TPD52: variants seen among roughly 807,000 people sequenced by gnomAD.
TPD52 encodes the protein prostate and colon associated protein.
Under a neutral mutation model 31.3 loss-of-function variants are expected in TPD52, and 17 were observed. The observed-to-expected ratio is 0.54, with a 90% CI of 0.37 to 0.82. The LOEUF is 0.82. Among genes scored for constraint, TPD52 ranks in the 40% least tolerant of loss-of-function variants. TPD52 has a pLI of 0.00. For synonymous variants in TPD52, 83 were observed against 89.6 expected (o/e 0.93, Z 0.42); for missense variants, 212 against 240.1 (o/e 0.88, Z 0.77).
chr8:80,038,098 A>C lies in TPD52; in HGVS notation c.*18T>G. 6.2e-7 allele frequency: 1 copy of C among 1,612,966 alleles called. No homozygotes were observed. Among genetic ancestry groups the C allele is most frequent in the Non-Finnish European group, 8.5e-7 (1 of 1,179,114 alleles). On this transcript the variant is annotated 3_prime_UTR_variant, in exon 8 of 8. Coordinates refer to ENST00000518937, the MANE Select transcript of TPD52 (RefSeq NM_001025253.3). ...CTTGCAGCATCTGGCAGTGGGTAGC[A>C]GAACAAAGGTAGGAATCTCACAGGC... is the stretch of plus-strand genomic sequence containing the variant.
intron 1 of TPD52, among the ~76,000 whole-genome samples, chr8:80,169,191 G>A (rs1811913762): frequency 6.6e-6 from 1 of 152,116 alleles, no homozygotes; most frequent in Admixed American, 6.5e-5. Context: ...CACCTTGTTG[G>A]ACAGGGGTCA....
chr8:80,136,392 T>C (rs1209101202), intron 1 of TPD52, among the ~76,000 whole-genome samples: 1 of 150,340 alleles, frequency 6.7e-6, no homozygotes. Flanking sequence ...GGCGTGGTGG[T>C]GGGCACCTGT....
chr8:80,164,978 A>G (rs189787603), intron 1 of TPD52, among the ~76,000 whole-genome samples: 1 of 151,530 alleles, frequency 6.6e-6, no homozygotes, highest in Non-Finnish European at 1.5e-5. Context: ...AAAGTCAAAA[A>G]AGGTATGACA....
At position 80,044,961 on chromosome 8, in the gene TPD52, C is replaced by T. The variant is rs373586181; in HGVS notation, c.414-753G>A. Among the ~76,000 whole-genome samples, 20 of 152,218 alleles carry T rather than the reference C, an allele frequency of 1.3e-4. No individual in the cohort carries two copies. The East Asian group carries it at 2.3e-3, about 18-fold the overall frequency. ...AAGACTCATTTGGTACAAATGATAA[C>T]GTGTCTTCAATGTAGGTCCTCAAAT... On this transcript the variant is annotated intron_variant, in intron 5 of 7. Coordinates refer to ENST00000518937, the MANE Select transcript of TPD52 (RefSeq NM_001025253.3).
intron 1 of TPD52, among the ~76,000 whole-genome samples, chr8:80,103,198 TA>T (rs1176494214): frequency 2.0e-5 from 3 of 151,868 alleles, no homozygotes; most frequent in East Asian, 3.9e-4. Context: ...CAGGCAATGT[TA>T]AAAAAAAATT....
Position 80,142,832 on chromosome 8 carries a change from C to T in TPD52, c.19+28593G>A, listed in dbSNP as rs1233640865. Among the ~76,000 whole-genome samples, 4 of 152,180 alleles carry T rather than the reference C, an allele frequency of 2.6e-5. No individual in the cohort carries two copies. The East Asian group carries it at 7.7e-4, about 29-fold the overall frequency. ...ATAATCTATAGAAACTCTGACTTGA[C>T]GACACTGCTGACTGTTGTGCCCAGA... is the stretch of plus-strand genomic sequence containing the variant. On this transcript the variant is annotated intron_variant, in intron 1 of 7. Transcript: ENST00000518937.
chr8:80,077,985 A>G (rs1814790873), intron 1 of TPD52, among the ~76,000 whole-genome samples: 1 of 152,254 alleles, frequency 6.6e-6, no homozygotes, highest in Non-Finnish European at 1.5e-5. Context: ...CATCACATAT[A>G]GTAAGGAGAA....
At chr8:80,131,548 G>A (rs1809018794) in intron 1 of TPD52, among the ~76,000 whole-genome samples, 1 of 152,230 alleles carries the variant, frequency 6.6e-6, no homozygotes, top group Admixed American at 6.5e-5. Context: ...CCCAGTTATA[G>A]GTGGAACCAG....
In TPD52 at chr8:80,078,305, G is replaced by A. The variant is rs146736621; in HGVS notation, c.20-13712C>T. ...AAATCAGTATTCCCAACCTCTCTGG[G>A]TAGGATTCCTTTTTATATCAGTCCT... On this transcript the variant is annotated intron_variant, in intron 1 of 7. Coordinates refer to ENST00000518937, the MANE Select transcript of TPD52 (RefSeq NM_001025253.3). 3.1e-3 allele frequency among the ~76,000 whole-genome samples: 466 copies of A among 152,290 alleles called. 1 individual carries two copies. The highest frequency in any genetic ancestry group is 4.7e-3 in the Non-Finnish European group (317 of 68,026).
chr8:80,087,141 T>A (rs947551516), intron 1 of TPD52, among the ~76,000 whole-genome samples: 1 of 152,092 alleles, frequency 6.6e-6, no homozygotes, highest in East Asian at 1.9e-4. Flanking sequence ...TGTCCTTTTT[T>A]TTTCCCCCCA....
At chr8:80,132,676 G>A (rs1413371362) in intron 1 of TPD52, among the ~76,000 whole-genome samples, 1 of 152,192 alleles carries the variant, frequency 6.6e-6, no homozygotes, top group East Asian at 1.9e-4. Flanking sequence ...TACTTCTTGG[G>A]TTTACAACAT....
chr8:80,040,061 A>C (rs1810227494), intron 7 of TPD52, among the ~76,000 whole-genome samples: 2 of 152,138 alleles, frequency 1.3e-5, no homozygotes, highest in South Asian at 4.1e-4. Context: ...TGAATGAATC[A>C]ACCCAAAATC....
At chr8:80,127,746 A>G (rs1808714382) in intron 1 of TPD52, 1 of 151,766 alleles carries the variant, frequency 6.6e-6, no homozygotes, top group Admixed American at 6.6e-5. Flanking sequence ...CCTATAATCT[A>G]GAACCTGACA....
chr8:80,031,601 T>TAAA (rs1809694994), downstream of TPD52, among the ~76,000 whole-genome samples: 2 of 152,186 alleles, frequency 1.3e-5, no homozygotes, highest in South Asian at 4.1e-4. Flanking sequence ...CTTACACTTG[T>TAAA]AATCCCAGCA....
intron 1 of TPD52, among the ~76,000 whole-genome samples, chr8:80,141,701 G>C (rs909253599): frequency 4.6e-5 from 7 of 152,154 alleles, no homozygotes; most frequent in Non-Finnish European, 1.0e-4. Context: ...CACAAGGTCA[G>C]GAGATCGAGA....
rs573629692 is a variant in TPD52, at chr8:80,139,369, A to G, written c.19+32056T>C. On this transcript the variant is annotated intron_variant, in intron 1 of 7. Transcript: ENST00000518937. ...ACCGCAATCTAATTTTCATACCCCA[A>G]AAAGAAACCCACATCCATCAGCAGC... is the stretch of plus-strand genomic sequence containing the variant. 6.6e-5 allele frequency among the ~76,000 whole-genome samples: 10 copies of G among 152,286 alleles called. No individual in the cohort carries two copies. The South Asian group carries it at 1.0e-3, about 16-fold the overall frequency.
intron 1 of TPD52, among the ~76,000 whole-genome samples, chr8:80,098,241 T>A (rs1194402277): frequency 6.6e-6 from 1 of 152,212 alleles, no homozygotes; most frequent in Non-Finnish European, 1.5e-5. Context: ...ATACCATGGA[T>A]CAATGAGTAA....
chr8:80,072,320 T>TGTGC (rs1813911501), intron 1 of TPD52, among the ~76,000 whole-genome samples: 2 of 132,496 alleles, frequency 1.5e-5, no homozygotes, highest in African/African-American at 6.4e-5. Context: ...AACATATATG[T>TGTGC]GTGTGTGTGT....
chr8:80,072,317 ATG>A (rs146024001), intron 1 of TPD52, among the ~76,000 whole-genome samples: 4,140 of 121,246 alleles, frequency 0.034, 312 homozygotes, highest in South Asian at 0.062. Flanking sequence ...AAAAACATAT[ATG>A]TGTGTGTGTG....
Sources: gnomAD v4.1 joint callset for allele counts (sites outside exome capture counted in the v4.1 genomes callset) on GRCh38, gnomAD v4.1.1 for gene constraint, MANE v1.5 for transcripts, NCBI Gene and HGNC (gene_info 2026-07-23, HGNC 2026-07-21) for gene names.